Variants in COA8 observed in about 807,000 individuals in gnomAD.
COA8 encodes the protein cytochrome c oxidase assembly factor 8, also known as UPF0671 protein C14orf153.
Under a neutral mutation model 22.0 loss-of-function variants are expected in COA8, and 20 were observed. The observed-to-expected ratio is 0.91, with a 90% confidence interval of 0.64 to 1.32. COA8 has a LOEUF of 1.32. Among genes scored for constraint, COA8 ranks in the 40% most tolerant of loss-of-function variants. COA8 has a pLI of 0.00. For missense variants in COA8, 266 were observed against 230.0 expected, an observed-to-expected ratio of 1.16 and a Z score of -1.01; for synonymous variants, 105 against 79.9, an observed-to-expected ratio of 1.31 and a Z score of -1.68.
At chr14:103,580,433 A>G (rs1412530626) in intron 3 of COA8, among the ~76,000 whole-genome samples, 2 of 150,756 alleles carry the variant, frequency 1.3e-5, no homozygotes, top group Non-Finnish European at 3.0e-5. Context: ...TCAGCCTCCC[A>G]AATAGTGAGG....
chr14:103,581,931 G>A lies in COA8; in HGVS notation c.386-5343G>A, dbSNP rs866355166. 7.2e-5 allele frequency among the ~76,000 whole-genome samples: 11 copies of A among 152,192 alleles called. No individual in the cohort carries two copies. Among genetic ancestry groups the A allele is most frequent in the Admixed American group, 1.3e-4 (2 of 15,268 alleles). On this transcript the variant is annotated intron_variant, in intron 3 of 4. Transcript: ENST00000409074. The surrounding 1 kb of genome is among the most constrained non-coding windows in gnomAD (Gnocchi z 4.1). ...AGACACCCTCCCTGCTCTGTGGAGG[G>A]AGGGTGGAATCATGCCTTTGGCCAC...
chr14:103,574,818 C>G (rs534179649), intron 3 of COA8: 1 of 255,738 alleles, frequency 3.9e-6, no homozygotes, highest in Admixed American at 5.1e-5. Context: ...TGGGGCAGAG[C>G]TGGAGCAGAT....
intron 1 of COA8, chr14:103,563,474 G>A (rs759329803): frequency 2.4e-4 from 99 of 420,524 alleles, no homozygotes; most frequent in Non-Finnish European, 4.0e-4. Context: ...CGTTGTGTGT[G>A]TGTGTGTTTT....
rs1289736822 is a variant in COA8 at position 103,581,886 on chromosome 14, G to C, written c.386-5388G>C. ...GCCGTCTGAGTGTTTGTTTCTGTCT[G>C]TGGGAATAAAGGGGTTGCCAGACAC... is the stretch of plus-strand genomic sequence containing the variant. On this transcript the variant is annotated intron_variant, in intron 3 of 4. Transcript: ENST00000409074. The surrounding 1 kb of genome is among the most constrained non-coding windows in gnomAD (Gnocchi z 4.1). Among the ~76,000 whole-genome samples, 2 of 151,820 alleles carry C rather than the reference G, an allele frequency of 1.3e-5. No homozygotes were observed. Among genetic ancestry groups the C allele is most frequent in the African/African-American group, 2.4e-5 (1 of 41,452 alleles).
At chr14:103,563,440 C>T (rs970805287) in intron 1 of COA8, 2 of 492,306 alleles carry the variant, frequency 4.1e-6, no homozygotes, top group Non-Finnish European at 3.8e-6. Context: ...TTAAAGAGCT[C>T]TTGGCTTACC....
chr14:103,572,125 CAAA>C (rs1041953893), intron 2 of COA8, among the ~76,000 whole-genome samples: 3 of 99,338 alleles, frequency 3.0e-5, no homozygotes, highest in African/African-American at 1.1e-4. Flanking sequence ...AGACTCGTCT[CAAA>C]AAAAAAAAAA....
intron 2 of COA8, among the ~76,000 whole-genome samples, chr14:103,572,058 C>A (rs2076192032): frequency 6.6e-6 from 1 of 150,866 alleles, no homozygotes; most frequent in South Asian, 2.1e-4. Context: ...ACCCGGGAGG[C>A]AGAGCTTGCA....
chr14:103,569,067 G>C (rs2076160562), intron 1 of COA8, among the ~76,000 whole-genome samples: 1 of 152,184 alleles, frequency 6.6e-6, no homozygotes, highest in Non-Finnish European at 1.5e-5. Context: ...TCAGGAGACT[G>C]TGAGGGTCTA....
At chr14:103,587,196 C>CTCA in intron 3 of COA8, 78 bp from the exon 4 acceptor site, 2 of 1,148,892 alleles carry the variant, frequency 1.7e-6, no homozygotes, top group Non-Finnish European at 1.3e-6. Context: ...GCTTGCTGAA[C>CTCA]TCATTTATTA....
At chr14:103,573,294 C>A (rs1595140629) in intron 2 of COA8, among the ~76,000 whole-genome samples, 1 of 150,414 alleles carries the variant, frequency 6.6e-6, no homozygotes. Flanking sequence ...CTCAGCCTCC[C>A]AAGTAGCTGG....
intron 1 of COA8, 90 bp from the exon 2 acceptor site, chr14:103,571,533 T>C: frequency 1.5e-6 from 2 of 1,322,964 alleles, no homozygotes; most frequent in Admixed American, 1.9e-5. Flanking sequence ...CGAGACTCCG[T>C]CTCTAAGTAA....
chr14:103,570,544 T>C (rs1293901777), intron 1 of COA8, among the ~76,000 whole-genome samples: 1 of 151,986 alleles, frequency 6.6e-6, no homozygotes, highest in Admixed American at 6.6e-5. Flanking sequence ...ATCAGCCTGG[T>C]CAACATGGTG....
intron 1 of COA8, among the ~76,000 whole-genome samples, chr14:103,566,740 T>C (rs909714656): frequency 3.3e-5 from 5 of 152,332 alleles, no homozygotes; most frequent in Admixed American, 1.3e-4. Context: ...TTGATGCTTA[T>C]GGAGAATGGC....
chr14:103,586,997 C>G (rs1221728496), intron 3 of COA8, among the ~76,000 whole-genome samples: 3 of 152,214 alleles, frequency 2.0e-5, no homozygotes, highest in Non-Finnish European at 4.4e-5. Flanking sequence ...ACCCACTGCA[C>G]CTAGCCTATT....
intron 1 of COA8, among the ~76,000 whole-genome samples, chr14:103,566,375 G>A (rs781383489): frequency 7.9e-5 from 12 of 152,244 alleles, no homozygotes; most frequent in South Asian, 2.1e-4. Flanking sequence ...AGCCGAGATC[G>A]CGCCATTGCA....
chr14:103,571,184 G>A (rs1047829367), intron 1 of COA8, among the ~76,000 whole-genome samples: 11 of 152,022 alleles, frequency 7.2e-5, no homozygotes, highest in South Asian at 2.1e-4. Context: ...TGGCTAACAG[G>A]GTGAAACCCC....
At chr14:103,574,348 G>C (rs2076215415) in intron 3 of COA8, 178 bp downstream of exon 3, 2 of 829,598 alleles carry the variant, frequency 2.4e-6, no homozygotes, top group African/African-American at 3.4e-5. Flanking sequence ...TCCCAGGCAT[G>C]GCTCTCCAAT....
chr14:103,585,006 T>C (rs546944282), intron 3 of COA8, among the ~76,000 whole-genome samples: 4 of 151,976 alleles, frequency 2.6e-5, no homozygotes, highest in South Asian at 2.1e-4. Context: ...GGTATGGTGG[T>C]GCGTGCCTGT....
At chr14:103,575,172 G>T (rs2076221895) in intron 3 of COA8, among the ~76,000 whole-genome samples, 1 of 152,260 alleles carries the variant, frequency 6.6e-6, no homozygotes, top group Non-Finnish European at 1.5e-5. Flanking sequence ...GTACATGTGT[G>T]TGTGCTTGTG....
Sources: gnomAD v4.1 joint callset for allele counts (sites outside exome capture counted in the v4.1 genomes callset) on GRCh38, gnomAD v4.1.1 for gene constraint, Gnocchi (gnomAD v3.1) non-coding constraint, MANE v1.5 for transcripts, NCBI Gene and HGNC (gene_info 2026-07-23, HGNC 2026-07-21) for gene names.